PTPRD: variants seen among roughly 807,000 people sequenced by gnomAD.
PTPRD encodes receptor-type tyrosine-protein phosphatase delta.
PTPRD carries 34 observed loss-of-function variants against 214.5 expected under a neutral mutation model. The observed-to-expected ratio is 0.16, with a 90% CI of 0.12 to 0.21. The LOEUF is 0.21. PTPRD is among the 10% of genes least tolerant of loss of function. PTPRD has a pLI of 1.00. For missense variants in PTPRD, 2,545 were observed against 2,398.7 expected, an observed-to-expected ratio of 1.06 and a Z score of -1.27; for synonymous variants, 1,128 against 845.7, an observed-to-expected ratio of 1.33 and a Z score of -5.79.
chr9:9,133,814 T>A (rs977944335), intron 10 of PTPRD, among the ~76,000 whole-genome samples: 14 of 152,102 alleles, frequency 9.2e-5, no homozygotes, highest in African/African-American at 3.1e-4. Context: ...TGTGCACATG[T>A]AGAATGAGAA....
At chr9:8,699,905 T>C (rs915781624) in intron 12 of PTPRD, among the ~76,000 whole-genome samples, 2 of 152,176 alleles carry the variant, frequency 1.3e-5, no homozygotes, top group African/African-American at 4.8e-5. Context: ...AACATGGCCA[T>C]TTTGTAGGCC....
At chr9:8,320,705 A>G (rs1826513891) in intron 44 of PTPRD, among the ~76,000 whole-genome samples, 2 of 142,824 alleles carry the variant, frequency 1.4e-5, no homozygotes, top group South Asian at 4.4e-4. Flanking sequence ...TACCATTTTT[A>G]CATGATCAGC....
intron 2 of PTPRD, among the ~76,000 whole-genome samples, chr9:10,488,875 G>C: frequency 6.6e-6 from 1 of 152,108 alleles, no homozygotes; most frequent in Non-Finnish European, 1.5e-5. Flanking sequence ...TCTGGCACAG[G>C]AGAGGTCCAG....
At chr9:8,867,124 T>C (rs1440127162) in intron 11 of PTPRD, among the ~76,000 whole-genome samples, 1 of 152,132 alleles carries the variant, frequency 6.6e-6, no homozygotes, top group African/African-American at 2.4e-5. Flanking sequence ...TTAAGACCAA[T>C]ATGAAGAACA....
At chr9:9,338,049 A>G (rs1360644699) in intron 9 of PTPRD, among the ~76,000 whole-genome samples, 1 of 152,200 alleles carries the variant, frequency 6.6e-6, no homozygotes, top group Non-Finnish European at 1.5e-5. Flanking sequence ...TTTTTGTTTC[A>G]TGTACAAATT....
intron 4 of PTPRD, among the ~76,000 whole-genome samples, chr9:10,012,225 G>C (rs1418174034): frequency 6.6e-6 from 1 of 151,800 alleles, no homozygotes; most frequent in Non-Finnish European, 1.5e-5. Context: ...ATATTAAAGG[G>C]ATAATCATCT....
chr9:10,060,649 A>G (rs1248037642), intron 3 of PTPRD, among the ~76,000 whole-genome samples: 1 of 151,900 alleles, frequency 6.6e-6, no homozygotes, highest in Admixed American at 6.6e-5. Flanking sequence ...TACATGACAA[A>G]TTGCATGCAA....
intron 5 of PTPRD, among the ~76,000 whole-genome samples, chr9:9,903,002 T>G (rs1005118612): frequency 6.6e-6 from 1 of 152,142 alleles, no homozygotes; most frequent in Non-Finnish European, 1.5e-5. Flanking sequence ...AAGGGAGTTT[T>G]ACCTGAGTGA....
At chr9:10,579,110 T>A (rs1591369573) in intron 2 of PTPRD, among the ~76,000 whole-genome samples, 1 of 151,910 alleles carries the variant, frequency 6.6e-6, no homozygotes, top group South Asian at 2.1e-4. Context: ...TGTGTGTTGT[T>A]CCCCTCCCTG....
chr9:8,994,609 C>T (rs1424421029), intron 11 of PTPRD, among the ~76,000 whole-genome samples: 1 of 151,772 alleles, frequency 6.6e-6, no homozygotes. Context: ...AATGGAAGAT[C>T]AGGATAGATA....
At chr9:10,242,174 C>A (rs1258477759) in intron 3 of PTPRD, among the ~76,000 whole-genome samples, 1 of 151,952 alleles carries the variant, frequency 6.6e-6, no homozygotes, top group Admixed American at 6.6e-5. Context: ...TTTCTAACTG[C>A]ATTTTTTCCA....
chr9:10,575,924 G>A (rs1428256729), intron 2 of PTPRD, among the ~76,000 whole-genome samples: 1 of 152,162 alleles, frequency 6.6e-6, no homozygotes, highest in Admixed American at 6.5e-5. Context: ...GATTTTGACT[G>A]GGGAATTATT....
intron 2 of PTPRD, among the ~76,000 whole-genome samples, chr9:10,346,902 A>G (rs980673208): frequency 3.9e-5 from 6 of 152,206 alleles, no homozygotes; most frequent in African/African-American, 1.4e-4. Context: ...CTGTCTAATT[A>G]TCAATTTGTT....
intron 3 of PTPRD, among the ~76,000 whole-genome samples, chr9:10,133,085 T>G (rs932227158): frequency 9.9e-5 from 15 of 152,170 alleles, no homozygotes; most frequent in African/African-American, 3.6e-4. Context: ...GCAAAGAATT[T>G]GAACTTCCAG....
At chr9:8,733,710 C>A (rs2098686307) in intron 12 of PTPRD, 70 bp downstream of exon 12, 2 of 1,477,740 alleles carry the variant, frequency 1.4e-6, no homozygotes, top group South Asian at 1.2e-5. Context: ...AGGCCCTGAG[C>A]CTGGTGCCAA....
intron 5 of PTPRD, among the ~76,000 whole-genome samples, chr9:9,884,595 C>T (rs1266471254): frequency 6.6e-6 from 1 of 152,062 alleles, no homozygotes; most frequent in Admixed American, 6.6e-5. Context: ...TCTGATGAGC[C>T]TAGAGGAGTG....
At chr9:10,412,729 G>C (rs767146922) in intron 2 of PTPRD, among the ~76,000 whole-genome samples, 13 of 151,390 alleles carry the variant, frequency 8.6e-5, no homozygotes, top group Non-Finnish European at 1.3e-4. Flanking sequence ...CTTGAAAACT[G>C]AATCCAGCAA....
At chr9:10,414,036 T>C (rs532987389) in intron 2 of PTPRD, among the ~76,000 whole-genome samples, 63 of 152,056 alleles carry the variant, frequency 4.1e-4, no homozygotes, top group African/African-American at 1.4e-3. Flanking sequence ...ATTCTGCACA[T>C]AGAAATGGGC....
At chr9:10,122,179 T>C (rs1166855948) in intron 3 of PTPRD, among the ~76,000 whole-genome samples, 1 of 151,828 alleles carries the variant, frequency 6.6e-6, no homozygotes, top group Non-Finnish European at 1.5e-5. Flanking sequence ...ATGGTGGTGC[T>C]TGCCTGTAAT....
Sources: allele counts gnomAD v4.1 joint callset (sites outside exome capture counted in the v4.1 genomes callset), GRCh38; gene constraint gnomAD v4.1.1; transcripts MANE v1.5; gene names NCBI Gene and HGNC (gene_info 2026-07-23, HGNC 2026-07-21).